Variants in WRN observed in about 807,000 individuals in gnomAD.
WRN encodes bifunctional 3'-5' exonuclease/ATP-dependent helicase WRN.
A neutral mutation model predicts 180.7 loss-of-function variants in WRN; 149 were observed. The observed-to-expected ratio is 0.82, with a 90% CI of 0.72 to 0.94. The LOEUF is 0.94. WRN is among the 40% of genes least tolerant of loss of function. WRN has a pLI of 0.00. For synonymous variants in WRN, 548 were observed against 568.9 expected, an observed-to-expected ratio of 0.96 and a Z score of 0.52; for missense variants, 1,661 against 1,700.1, an observed-to-expected ratio of 0.98 and a Z score of 0.40.
chr8:31,163,560 GA>G (rs2130503319), intron 33 of WRN, among the ~76,000 whole-genome samples: 1 of 152,110 alleles, frequency 6.6e-6, no homozygotes, highest in East Asian at 1.9e-4. Flanking sequence ...CCTGATATAG[GA>G]TATGGGTATA....
intron 8 of WRN, among the ~76,000 whole-genome samples, chr8:31,080,321 C>T (rs1813250877): frequency 6.6e-6 from 1 of 152,068 alleles, no homozygotes; most frequent in Admixed American, 6.6e-5. Context: ...TATAATGTAC[C>T]ATCTACAATT....
chr8:31,157,873 G>T (rs973881400), intron 33 of WRN, among the ~76,000 whole-genome samples: 37 of 152,062 alleles, frequency 2.4e-4, no homozygotes, highest in Admixed American at 2.3e-3. Flanking sequence ...GACTACAGGC[G>T]TGTGCCACCA....
intron 28 of WRN, 92 bp from the exon 29 acceptor site, chr8:31,146,961 T>G: frequency 9.1e-7 from 1 of 1,093,528 alleles, no homozygotes; most frequent in Non-Finnish European, 1.3e-6. Context: ...TTTGTACTGA[T>G]TTGGAAAGAC....
chr8:31,066,759 G>T (rs947852466), intron 5 of WRN, among the ~76,000 whole-genome samples: 1 of 151,898 alleles, frequency 6.6e-6, no homozygotes, highest in Non-Finnish European at 1.5e-5. Context: ...TTGGCTGGGA[G>T]GTAGAAAGCC....
intron 22 of WRN, 118 bp from the exon 23 acceptor site, chr8:31,124,790 C>A: frequency 8.1e-7 from 1 of 1,229,586 alleles, no homozygotes; most frequent in South Asian, 1.3e-5. Context: ...AAACTGAAGT[C>A]AAATAATGAA....
Position 31,059,194 on chromosome 8 carries a change from C to T in WRN, c.138C>T (p.Phe46=). 1 of 1,613,868 alleles carries T rather than the reference C, an allele frequency of 6.2e-7. No homozygotes were observed. Among genetic ancestry groups the T allele is most frequent in the East Asian group, 2.2e-5 (1 of 44,788 alleles). ...GTGTTTTTGAAGATGACCTCCCCTT[C>T]TTAGAATTCACTGGATCCATTGTGT... ...RKSVFEDDLP[F]LEFTGSIVYS... The change falls in exon 3 of 35, where the codon TTC becomes TTT. Residue 46 remains phenylalanine, a synonymous_variant. Coordinates refer to ENST00000298139, the MANE Select transcript of WRN (RefSeq NM_000553.6).
rs189918647 is a variant in WRN, at chr8:31,089,615, A to G, written c.1652+650A>G. On this transcript the variant is annotated intron_variant, in intron 13 of 34. Coordinates refer to ENST00000298139, the MANE Select transcript of WRN (RefSeq NM_000553.6). ...ACATACAGAAAAGTGCACATGTTGTAGAGATCAATGAATTGTCATAAACTG... is the reference window on the plus strand; with the variant it reads ...ACATACAGAAAAGTGCACATGTTGTGGAGATCAATGAATTGTCATAAACTG... 1.5e-3 allele frequency among the ~76,000 whole-genome samples: 227 copies of G among 152,078 alleles called. 1 individual carries two copies. The highest frequency in any genetic ancestry group is 1.4e-3 in the Non-Finnish European group (95 of 67,866).
chr8:31,094,646 C>CTA (rs1469336675), intron 16 of WRN, among the ~76,000 whole-genome samples: 2 of 152,126 alleles, frequency 1.3e-5, no homozygotes, highest in African/African-American at 2.4e-5. Flanking sequence ...TCTGCCCGGC[C>CTA]TATTATCTCT....
chr8:31,120,437 T>G lies in WRN; in HGVS notation c.2630+13T>G. The G allele has an allele frequency of 6.2e-7, 1 of 1,608,192 alleles. No individual in the cohort carries two copies. Among genetic ancestry groups the G allele is most frequent in the Non-Finnish European group, 8.5e-7 (1 of 1,176,612 alleles). ...TTAACTTAAATAGGTAAAAAAAATT[T>G]ATTGTTTTTACTCTTGCAGATTTCT... On this transcript the variant is annotated intron_variant, in intron 21 of 34. Coordinates refer to ENST00000298139, the MANE Select transcript of WRN (RefSeq NM_000553.6).
intron 13 of WRN, among the ~76,000 whole-genome samples, chr8:31,089,963 G>A (rs1047774300): frequency 2.6e-5 from 4 of 151,802 alleles, no homozygotes; most frequent in East Asian, 1.9e-4. Flanking sequence ...AATTATTAAC[G>A]AGTTAAATAT....
rs745330652 is a variant in WRN at position 31,141,710 on chromosome 8, A to G, written c.3168A>G (p.Thr1056=). 3 of 1,614,210 alleles carry G rather than the reference A, an allele frequency of 1.9e-6. No individual in the cohort carries two copies. Among genetic ancestry groups the G allele is most frequent in the South Asian group, 1.1e-5 (1 of 91,086 alleles). ...GAAATTGGCTTCATAAAGCTAATAC[A>G]GAATCTCAGAGCCTCATCCTTCAAG... ...KGRNWLHKAN[T]ESQSLILQAN... Residue 1056 remains threonine, a synonymous_variant, in exon 26 of 35, where the codon ACA becomes ACG. Coordinates refer to ENST00000298139, the MANE Select transcript of WRN (RefSeq NM_000553.6).
At chr8:31,149,472 T>TG (rs1803018167) in intron 30 of WRN, among the ~76,000 whole-genome samples, 1 of 51,976 alleles carries the variant, frequency 1.9e-5, no homozygotes, top group Non-Finnish European at 4.0e-5. Context: ...TTTTTTTTTT[T>TG]TTTTTTTTTT....
At chr8:31,070,655 G>A (rs899963109) in intron 7 of WRN, among the ~76,000 whole-genome samples, 1 of 151,634 alleles carries the variant, frequency 6.6e-6, no homozygotes, top group Admixed American at 6.6e-5. Flanking sequence ...AGGTGCTGTA[G>A]TTGACACACC....
intron 1 of WRN, among the ~76,000 whole-genome samples, chr8:31,044,000 G>GATT (rs1811752659): frequency 6.6e-6 from 1 of 152,006 alleles, no homozygotes; most frequent in African/African-American, 2.4e-5. Context: ...GGTCCTCCTG[G>GATT]ATTGTTCTTT....
At chr8:31,049,800 G>A (rs1231672845) in intron 1 of WRN, among the ~76,000 whole-genome samples, 1 of 151,848 alleles carries the variant, frequency 6.6e-6, no homozygotes, top group Admixed American at 6.6e-5. Context: ...TATAATAGAA[G>A]TAAAAGACCT....
intron 33 of WRN, among the ~76,000 whole-genome samples, chr8:31,160,254 A>G (rs1010577264): frequency 6.6e-6 from 1 of 152,190 alleles, no homozygotes; most frequent in Non-Finnish European, 1.5e-5. Context: ...TAATCTGAGT[A>G]TTTATCTGTG....
intron 1 of WRN, among the ~76,000 whole-genome samples, chr8:31,038,262 A>C (rs1420976427): frequency 6.6e-6 from 1 of 152,188 alleles, no homozygotes; most frequent in Non-Finnish European, 1.5e-5. Context: ...AATTATAGCT[A>C]TCCTAGTAGG....
At chr8:31,124,783 C>G in intron 22 of WRN, 125 bp from the exon 23 acceptor site, 1 of 1,203,202 alleles carries the variant, frequency 8.3e-7, no homozygotes, top group South Asian at 1.3e-5. Context: ...TCTGAGTAAA[C>G]TGAAGTCAAA....
intron 24 of WRN, among the ~76,000 whole-genome samples, chr8:31,139,181 A>G (rs1693303031): frequency 6.6e-6 from 1 of 152,206 alleles, no homozygotes. Flanking sequence ...TAAAACCATT[A>G]CGTTTGTAAT....
Sources: allele counts gnomAD v4.1 joint callset (sites outside exome capture counted in the v4.1 genomes callset), GRCh38; gene constraint gnomAD v4.1.1; transcripts MANE v1.5; gene names NCBI Gene and HGNC (gene_info 2026-07-23, HGNC 2026-07-21).